PPP2R3B: variants seen among roughly 807,000 people sequenced by gnomAD.
PPP2R3B encodes the protein serine/threonine-protein phosphatase 2A regulatory subunit B'' subunit beta.
A neutral mutation model predicts 72.9 loss-of-function variants in PPP2R3B; 68 were observed. The ratio of observed to expected loss-of-function variants is 0.93; its 90% CI spans 0.77 to 1.14. The LOEUF (loss-of-function observed/expected upper bound fraction) is 1.14. Among genes scored for constraint, PPP2R3B ranks in the 50% most tolerant of loss-of-function variants. The pLI, the probability that PPP2R3B is intolerant of heterozygous loss-of-function variation, is 0.00. For synonymous variants in PPP2R3B, 466 were observed against 375.8 expected (o/e 1.24, Z -2.78); for missense variants, 1,018 against 842.0 (o/e 1.21, Z -2.59).
chrX:382,167 C>T (rs1365501305), intron 1 of PPP2R3B, among the ~76,000 whole-genome samples: 7 of 151,488 alleles, frequency 4.6e-5, no homozygotes, highest in African/African-American at 1.5e-4. Flanking sequence ...AGTCCCTCAA[C>T]GTGACCTGAA....
At chrX:370,398 G>A (rs1026915575) in intron 1 of PPP2R3B, among the ~76,000 whole-genome samples, 8 of 152,148 alleles carry the variant, frequency 5.3e-5, no homozygotes, top group Non-Finnish European at 8.8e-5. Context: ...AGGCACTGGC[G>A]CCTGCAGCCA....
Position 338,794 on chromosome X carries a change from T to G in PPP2R3B, c.1454A>C (p.Gln485Pro). Residue 485 changes from glutamine (Q) to proline (P), a missense_variant, in exon 11 of 13, where the codon CAG becomes CCG. Coordinates refer to ENST00000390665, the MANE Select transcript of PPP2R3B (RefSeq NM_013239.5). The stretch of plus-strand genomic sequence containing the variant: ...CGCACTCACCCTGAGCAGGGAGATC[T>G]GCTCTTTCTGCTCGTGGTCGAGGTA... ...EKYLDHEQKE[Q>P]ISLLRDGDSG... 6.2e-7 allele frequency: 1 copy of G among 1,612,408 alleles called. No individual in the cohort carries two copies. The highest frequency in any genetic ancestry group is 8.5e-7 in the Non-Finnish European group (1 of 1,179,666).
intron 1 of PPP2R3B, among the ~76,000 whole-genome samples, chrX:368,076 C>T (rs1039315102): frequency 8.5e-5 from 13 of 152,158 alleles, no homozygotes; most frequent in Non-Finnish European, 1.5e-4. Flanking sequence ...AAACTGAGCC[C>T]GCTAGGCAAG....
intron 6 of PPP2R3B, 53 bp downstream of exon 6, chrX:346,121 G>A (rs1165414748): frequency 1.3e-5 from 18 of 1,350,442 alleles, no homozygotes; most frequent in Non-Finnish European, 1.5e-5. Flanking sequence ...GGGAGTGGAG[G>A]TAGGAGGGGT....
intron 1 of PPP2R3B, among the ~76,000 whole-genome samples, chrX:378,007 T>C (rs2072036788): frequency 1.3e-5 from 2 of 151,956 alleles, no homozygotes; most frequent in African/African-American, 2.4e-5. Context: ...TATACACTAC[T>C]GTGTACAGGG....
At chrX:386,132 C>T (rs769223431) in intron 1 of PPP2R3B, among the ~76,000 whole-genome samples, 152 of 151,546 alleles carry the variant, frequency 1.0e-3, no homozygotes, top group African/African-American at 3.6e-3. Flanking sequence ...GGAAGCCTTT[C>T]TACCTTTATA....
At chrX:337,991 A>T (rs1485023771) in intron 12 of PPP2R3B, 1 of 156,522 alleles carries the variant, frequency 6.4e-6, no homozygotes, top group Non-Finnish European at 1.4e-5. Flanking sequence ...GAATTCTTAG[A>T]TATGACACCA....
intron 1 of PPP2R3B, among the ~76,000 whole-genome samples, chrX:369,602 C>T (rs1331073197): frequency 6.6e-6 from 1 of 152,228 alleles, no homozygotes; most frequent in East Asian, 1.9e-4. Context: ...GAGTGTACCC[C>T]GAGAACACAG....
chrX:364,598 C>G lies in PPP2R3B; in HGVS notation c.325-3008G>C, dbSNP rs76078647. Among the ~76,000 whole-genome samples, 1,015 of 139,570 alleles carry G rather than the reference C, an allele frequency of 7.3e-3. 69 individuals carry two copies. The highest frequency in any genetic ancestry group is 0.022 in the African/African-American group (809 of 36,404). The allele number at this position is 139,570 out of a possible 152,430, so 91.6% of individuals were successfully genotyped here. ...CCGGGTGTGGTGGAGGGTGCCTGTACTCCCAGCTACTCGGGAGGCTGAGGC... is the reference window on the plus strand; with the variant it reads ...CCGGGTGTGGTGGAGGGTGCCTGTAGTCCCAGCTACTCGGGAGGCTGAGGC... On this transcript the variant is annotated intron_variant, in intron 1 of 12. Coordinates refer to ENST00000390665, the MANE Select transcript of PPP2R3B (RefSeq NM_013239.5).
chrX:350,670 G>A (rs988229901), intron 2 of PPP2R3B, among the ~76,000 whole-genome samples: 57 of 152,366 alleles, frequency 3.7e-4, no homozygotes, highest in Admixed American at 5.9e-4. Context: ...AACATGACAC[G>A]CGCGGCTGAG....
intron 12 of PPP2R3B, 146 bp downstream of exon 12, chrX:338,458 C>A: frequency 1.2e-6 from 1 of 800,022 alleles, no homozygotes; most frequent in Non-Finnish European, 2.0e-6. Context: ...TCAGGTCTCA[C>A]CCCGCCCCTC....
chrX:364,223 C>T (rs751906530), intron 1 of PPP2R3B, among the ~76,000 whole-genome samples: 44 of 152,334 alleles, frequency 2.9e-4, no homozygotes, highest in African/African-American at 1.0e-3. Context: ...AGTAAATCCC[C>T]AGCGCGCCTC....
Position 338,586 on chromosome X carries a change from C to T in PPP2R3B, c.1577+18G>A, listed in dbSNP as rs1335484669. The T allele has an allele frequency of 2.3e-5, 37 of 1,589,686 alleles. No homozygotes were observed. The highest frequency in any genetic ancestry group is 5.6e-5 in the South Asian group (5 of 88,796). On this transcript the variant is annotated intron_variant, in intron 12 of 12. Coordinates refer to ENST00000390665, the MANE Select transcript of PPP2R3B (RefSeq NM_013239.5). The stretch of plus-strand genomic sequence containing the variant: ...TCCCACTGACCCGTCCCCCCACTCA[C>T]CCGTCCTCCCCACTCACCCGTCCTC...
intron 2 of PPP2R3B, chrX:359,912 T>C (rs2071507673): frequency 4.2e-6 from 2 of 480,674 alleles, no homozygotes. Context: ...TTGTTAGTGC[T>C]CACTTTGTAA....
intron 3 of PPP2R3B, 88 bp from the exon 4 acceptor site, chrX:347,424 C>T (rs2071244863): frequency 2.1e-6 from 3 of 1,400,768 alleles, no homozygotes; most frequent in Non-Finnish European, 3.0e-6. Flanking sequence ...GTGTGGTGTT[C>T]CACGTGGTGC....
chrX:338,600 TC>T lies in PPP2R3B; in HGVS notation c.1577+3del. The T allele has an allele frequency of 6.3e-7, 1 of 1,598,346 alleles. No homozygotes were observed. Among genetic ancestry groups the T allele is most frequent in the South Asian group, 1.1e-5 (1 of 89,930 alleles). On this transcript the variant is annotated splice_donor_region_variant and intron_variant, in intron 12 of 12. Transcript: ENST00000390665. ...CCCCCCACTCACCCGTCCTCCCCAC[TC>T]ACCCGTCCTCCCAGGGCTCTCCCGC...
At chrX:344,376 T>C (rs28409122) in intron 7 of PPP2R3B, among the ~76,000 whole-genome samples, 119,158 of 149,574 alleles carry the variant, frequency 0.8, 47,830 homozygotes, top group Middle Eastern at 0.85. Context: ...GCCGTCAGCT[T>C]GGGCCACGAG....
chrX:362,544 G>A lies in PPP2R3B; in HGVS notation c.325-954C>T, dbSNP rs772752766. 2.0e-5 allele frequency among the ~76,000 whole-genome samples: 3 copies of A among 151,054 alleles called. No individual in the cohort carries two copies. In the East Asian group the frequency reaches 5.9e-4, roughly 30 times the overall value. On this transcript the variant is annotated intron_variant, in intron 1 of 12. Coordinates refer to ENST00000390665, the MANE Select transcript of PPP2R3B (RefSeq NM_013239.5). Reference sequence around the variant, plus strand: ...TCCCCCATCAACTACTCAGGGGACAGGGCTGTGTCCTCCTTGACCAACTAC... The same window carrying A: ...TCCCCCATCAACTACTCAGGGGACAAGGCTGTGTCCTCCTTGACCAACTAC...
chrX:358,151 C>T (rs1038687573), intron 2 of PPP2R3B, among the ~76,000 whole-genome samples: 85 of 152,308 alleles, frequency 5.6e-4, no homozygotes, highest in Non-Finnish European at 1.1e-3. Flanking sequence ...GTCCCCTGGG[C>T]CGGGGGCCCG....
Sources: gnomAD v4.1 joint callset for allele counts (sites outside exome capture counted in the v4.1 genomes callset) on GRCh38, gnomAD v4.1.1 for gene constraint, MANE v1.5 for transcripts, NCBI Gene and HGNC (gene_info 2026-07-23, HGNC 2026-07-21) for gene names.